TENM2: variants seen among roughly 807,000 people sequenced by gnomAD.
TENM2 encodes the protein teneurin transmembrane protein 2.
In TENM2, 52 loss-of-function variants were observed where a neutral mutation model predicts 245.2. The ratio of observed to expected loss-of-function variants is 0.21; its 90% confidence interval spans 0.17 to 0.27. The LOEUF is 0.27. Among genes scored for constraint, TENM2 ranks in the 10% least tolerant of loss-of-function variants. The pLI is 1.00. For synonymous variants in TENM2, 1,363 were observed against 1,438.9 expected, an observed-to-expected ratio of 0.95 and a Z score of 1.19; for missense variants, 3,046 against 3,666.8, an observed-to-expected ratio of 0.83 and a Z score of 4.37.
At chr5:168,229,858 C>T (rs1476400519) in intron 25 of TENM2, 7 of 152,162 alleles carry the variant, frequency 4.6e-5, no homozygotes. Flanking sequence ...CTGCAGTAGC[C>T]TCCTAAAGAC....
intron 2 of TENM2, among the ~76,000 whole-genome samples, chr5:167,639,016 A>G (rs1190898927): frequency 6.6e-6 from 1 of 152,250 alleles, no homozygotes. Context: ...GCTGTGAGTA[A>G]TTATGATACA....
intron 2 of TENM2, among the ~76,000 whole-genome samples, chr5:167,807,291 G>T (rs1171573497): frequency 6.6e-6 from 1 of 151,940 alleles, no homozygotes; most frequent in Admixed American, 6.6e-5. Flanking sequence ...TCTAATAAAA[G>T]CCTGGCCTCC....
intron 2 of TENM2, among the ~76,000 whole-genome samples, chr5:167,466,320 G>C (rs547849882): frequency 6.6e-6 from 1 of 152,156 alleles, no homozygotes; most frequent in Non-Finnish European, 1.5e-5. Flanking sequence ...GTCAAACACA[G>C]CCTCACTGCT....
chr5:167,158,594 G>GACCTTTTTCCTAGTTTGC, the TENM2 span, among the ~76,000 whole-genome samples: 1 of 152,100 alleles, frequency 6.6e-6, no homozygotes, highest in Non-Finnish European at 1.5e-5. Context: ...GTCTGGTAAG[G>GACCTTTTTCCTAGTTTGC]ACCTTTTTCC....
At chr5:167,087,996 G>T in the TENM2 span, among the ~76,000 whole-genome samples, 2 of 151,998 alleles carry the variant, frequency 1.3e-5, no homozygotes, top group African/African-American at 4.8e-5. Flanking sequence ...CACCATATTG[G>T]CCAAGCTGGT....
chr5:167,785,728 T>C (rs1415278882), intron 2 of TENM2, among the ~76,000 whole-genome samples: 2 of 152,194 alleles, frequency 1.3e-5, no homozygotes, highest in Non-Finnish European at 2.9e-5. Context: ...ATTCAGACTT[T>C]AGAAACTGGC....
chr5:168,168,014 T>C (rs1758459974), intron 13 of TENM2, among the ~76,000 whole-genome samples: 1 of 152,166 alleles, frequency 6.6e-6, no homozygotes, highest in Admixed American at 6.5e-5. Flanking sequence ...CAACCAATAA[T>C]TTTTCCAGTG....
chr5:167,728,829 T>G (rs1473307199), intron 2 of TENM2: 3 of 152,230 alleles, frequency 2.0e-5, no homozygotes, highest in African/African-American at 7.2e-5. Context: ...TCTCTGGCAC[T>G]GAAGAGGAGA....
At chr5:167,128,474 A>G in the TENM2 span, among the ~76,000 whole-genome samples, 1 of 151,962 alleles carries the variant, frequency 6.6e-6, no homozygotes, top group African/African-American at 2.4e-5. Context: ...TTACATTTTC[A>G]ACAAGTTCAC....
At chr5:167,919,769 A>C (rs990686955) in intron 3 of TENM2, among the ~76,000 whole-genome samples, 2 of 152,238 alleles carry the variant, frequency 1.3e-5, no homozygotes, top group African/African-American at 2.4e-5. Context: ...AAGCAAACTG[A>C]AAATGTATGA....
chr5:167,895,771 C>T (rs1414789748), intron 3 of TENM2, among the ~76,000 whole-genome samples: 1 of 152,136 alleles, frequency 6.6e-6, no homozygotes, highest in Non-Finnish European at 1.5e-5. Context: ...TAAAGCCCTG[C>T]GATTCCTGTT....
At chr5:168,030,982 G>C (rs950318062) in intron 5 of TENM2, among the ~76,000 whole-genome samples, 7 of 152,152 alleles carry the variant, frequency 4.6e-5, no homozygotes, top group African/African-American at 1.4e-4. Context: ...TTCAGAGAAG[G>C]TTGGTGGAAA....
At chr5:167,885,895 C>G (rs996878754) in intron 3 of TENM2, among the ~76,000 whole-genome samples, 1 of 152,208 alleles carries the variant, frequency 6.6e-6, no homozygotes, top group Non-Finnish European at 1.5e-5. Flanking sequence ...GTTGGACAGG[C>G]TGGCCTCAAA....
chr5:167,049,439 A>C, the TENM2 span, among the ~76,000 whole-genome samples: 1 of 152,212 alleles, frequency 6.6e-6, no homozygotes, highest in Non-Finnish European at 1.5e-5. Flanking sequence ...TTTTGTTACA[A>C]TAGTATTAAT....
intron 2 of TENM2, among the ~76,000 whole-genome samples, chr5:167,646,189 TATGTTGTTTTC>T (rs1474729972): frequency 1.7e-4 from 19 of 112,906 alleles, no homozygotes; most frequent in Admixed American, 1.1e-3. Flanking sequence ...TATATATATA[TATGTTGTTTTC>T]ATATATATAT....
At chr5:167,613,693 T>G (rs1777611916) in intron 2 of TENM2, among the ~76,000 whole-genome samples, 1 of 152,058 alleles carries the variant, frequency 6.6e-6, no homozygotes, top group African/African-American at 2.4e-5. Context: ...GACAGGACAG[T>G]TGGTTTTTAA....
intron 2 of TENM2, among the ~76,000 whole-genome samples, chr5:167,402,604 T>C (rs1288897524): frequency 6.6e-6 from 1 of 151,484 alleles, no homozygotes; most frequent in African/African-American, 2.4e-5. Flanking sequence ...GTGTAGATTC[T>C]CTCTTTCTCC....
the TENM2 span, among the ~76,000 whole-genome samples, chr5:167,236,089 T>C: frequency 1.3e-5 from 2 of 152,308 alleles, no homozygotes; most frequent in East Asian, 3.9e-4. Flanking sequence ...CAAATCATCT[T>C]TGACTCTCAT....
chr5:167,181,437 G>GTT, the TENM2 span, among the ~76,000 whole-genome samples: 1,481 of 123,142 alleles, frequency 0.012, 70 homozygotes, highest in African/African-American at 0.043. Context: ...TCAGTTCTCT[G>GTT]TTTTTTTTTT....
Sources: allele counts gnomAD v4.1 joint callset (sites outside exome capture counted in the v4.1 genomes callset), GRCh38; gene constraint gnomAD v4.1.1; transcripts MANE v1.5; gene names NCBI Gene and HGNC (gene_info 2026-07-23, HGNC 2026-07-21).